PTGFRN: variants seen among roughly 807,000 people sequenced by gnomAD.
PTGFRN encodes prostaglandin F2 receptor negative regulator.
A neutral mutation model predicts 83.2 loss-of-function variants in PTGFRN; 35 were observed. The observed-to-expected ratio is 0.42, with a 90% CI of 0.32 to 0.56. The LOEUF (loss-of-function observed/expected upper bound fraction) is 0.56. Among genes scored for constraint, PTGFRN ranks in the 20% least tolerant of loss-of-function variants. The pLI, the probability that PTGFRN is intolerant of heterozygous loss-of-function variation, is 0.11. For missense variants in PTGFRN, 1,051 were observed against 1,179.5 expected, an observed-to-expected ratio of 0.89 and a Z score of 1.60; for synonymous variants, 519 against 498.6, an observed-to-expected ratio of 1.04 and a Z score of -0.55.
chr1:116,981,060 T>C (rs562781512), intron 7 of PTGFRN, among the ~76,000 whole-genome samples: 26 of 152,330 alleles, frequency 1.7e-4, no homozygotes, highest in Middle Eastern at 3.4e-3. Flanking sequence ...CATTTACATA[T>C]TAGCATTGCC....
chr1:116,931,154 G>A lies in PTGFRN; in HGVS notation c.50-10561G>A, dbSNP rs1025939261. On this transcript the variant is annotated intron_variant, in intron 1 of 8. Transcript: ENST00000393203. ...GATACGTTGCTCAGAGGTCATGCTCGGAGGAAATGCTCGTTGGAGCACTTT... is the reference window on the plus strand; with the variant it reads ...GATACGTTGCTCAGAGGTCATGCTCAGAGGAAATGCTCGTTGGAGCACTTT... Among the ~76,000 whole-genome samples, 9 of 152,188 alleles carry A rather than the reference G, an allele frequency of 5.9e-5. No individual in the cohort carries two copies. In the East Asian group the frequency reaches 7.7e-4, roughly 13 times the overall value.
chr1:116,913,323 G>A (rs1649318760), intron 1 of PTGFRN, among the ~76,000 whole-genome samples: 1 of 152,134 alleles, frequency 6.6e-6, no homozygotes, highest in Non-Finnish European at 1.5e-5. Context: ...TCTGGGCTCT[G>A]GGGAAAAGCC....
chr1:116,915,879 T>C (rs1439001084), intron 1 of PTGFRN, among the ~76,000 whole-genome samples: 1 of 152,202 alleles, frequency 6.6e-6, no homozygotes, highest in Non-Finnish European at 1.5e-5. Context: ...GGAAAATAAC[T>C]TGAACTGGCA....
intron 7 of PTGFRN, among the ~76,000 whole-genome samples, chr1:116,977,672 A>G (rs1651194705): frequency 6.6e-6 from 1 of 152,222 alleles, no homozygotes; most frequent in South Asian, 2.1e-4. Flanking sequence ...TTTGAAACCA[A>G]TGAGAACAAA....
At chr1:116,968,972 T>C (rs1650915857) in intron 6 of PTGFRN, among the ~76,000 whole-genome samples, 1 of 152,174 alleles carries the variant, frequency 6.6e-6, no homozygotes, top group South Asian at 2.1e-4. Flanking sequence ...GTTTAGACTA[T>C]CTCTACTTTT....
intron 7 of PTGFRN, among the ~76,000 whole-genome samples, chr1:116,983,954 A>G (rs966941265): frequency 3.3e-5 from 5 of 152,204 alleles, no homozygotes; most frequent in Non-Finnish European, 7.3e-5. Flanking sequence ...CACTTGTGCC[A>G]AAGTCTTCTT....
chr1:116,981,596 G>A (rs1015845305), intron 7 of PTGFRN, among the ~76,000 whole-genome samples: 6 of 152,200 alleles, frequency 3.9e-5, no homozygotes, highest in African/African-American at 1.4e-4. Context: ...CATCCAGGTG[G>A]ACATCTGTCT....
Position 116,910,195 on chromosome 1 carries a change from C to G in PTGFRN, c.-9C>G. 1 of 1,486,666 alleles carries G rather than the reference C, an allele frequency of 6.7e-7. No individual in the cohort carries two copies. Among genetic ancestry groups the G allele is most frequent in the Non-Finnish European group, 8.9e-7 (1 of 1,124,302 alleles). 92.1% of individuals were successfully genotyped at this position (1,486,666 alleles called of 1,614,324 possible). On this transcript the variant is annotated 5_prime_UTR_variant, in exon 1 of 9. Coordinates refer to ENST00000393203, the MANE Select transcript of PTGFRN (RefSeq NM_020440.4). ...GGAGGAGGGGGAGAGTCGCTCCCGC[C>G]GGGCGAGCATGGGGCGCCTGGCCTC...
Position 116,944,729 on chromosome 1 carries a change from C to G in PTGFRN, c.469C>G (p.Leu157Val). 6.8e-7 allele frequency: 1 copy of G among 1,473,144 alleles called. No individual in the cohort carries two copies. Among genetic ancestry groups the G allele is most frequent in the Non-Finnish European group, 8.9e-7 (1 of 1,120,284 alleles). 91.3% of individuals were successfully genotyped at this position (1,473,144 alleles called of 1,614,324 possible). ...CCCCAGCGCGCGGCCCCCGCCGAGC[C>G]TGAGCCTGCGGGAGGGGGAGCCCTT... ...VGPSARPPPS[L>V]SLREGEPFEL... The change falls in exon 3 of 9, where the codon CTG (leucine) becomes GTG (valine). Residue 157 changes from leucine (L) to valine (V), a missense_variant. Coordinates refer to ENST00000393203, the MANE Select transcript of PTGFRN (RefSeq NM_020440.4).
intron 4 of PTGFRN, among the ~76,000 whole-genome samples, chr1:116,950,316 T>G (rs1282173371): frequency 6.6e-6 from 1 of 152,258 alleles, no homozygotes; most frequent in East Asian, 1.9e-4. Context: ...ATTTTTGTTA[T>G]GTCTTGTAAT....
chr1:116,928,249 T>C (rs1330427100), intron 1 of PTGFRN, among the ~76,000 whole-genome samples: 1 of 152,246 alleles, frequency 6.6e-6, no homozygotes, highest in Non-Finnish European at 1.5e-5. Context: ...CTTTCACCTT[T>C]TTGATTGTCA....
At position 116,958,073 on chromosome 1, in the gene PTGFRN, A is replaced by G. The variant is rs1650547039; in HGVS notation, c.1214-3170A>G. Among the ~76,000 whole-genome samples, 1 of 152,168 alleles carries G rather than the reference A, an allele frequency of 6.6e-6. No homozygotes were observed. The highest frequency in any genetic ancestry group is 6.5e-5 in the Admixed American group (1 of 15,272). Reference sequence around the variant, plus strand: ...GCCCTTGTGAATAATGCTGCAATGAACATCTACCATCTTTCATCATAATTT... The same window carrying G: ...GCCCTTGTGAATAATGCTGCAATGAGCATCTACCATCTTTCATCATAATTT... On this transcript the variant is annotated intron_variant, in intron 4 of 8. Transcript: ENST00000393203. The surrounding 1 kb of genome is among the most constrained non-coding windows in gnomAD (Gnocchi z 4.9).
chr1:116,986,470 C>T (rs1476884498), intron 8 of PTGFRN, among the ~76,000 whole-genome samples: 1 of 152,194 alleles, frequency 6.6e-6, no homozygotes, highest in Non-Finnish European at 1.5e-5. Context: ...GCATCTGCTG[C>T]TGAACGTGCG....
chr1:116,927,000 G>A (rs1216656841), intron 1 of PTGFRN, among the ~76,000 whole-genome samples: 3 of 152,162 alleles, frequency 2.0e-5, no homozygotes, highest in Admixed American at 6.6e-5. Flanking sequence ...TTCTGAAGAA[G>A]GGTAATCACT....
In PTGFRN at chr1:116,987,048, G is replaced by C; in HGVS notation, c.*81G>C. On this transcript the variant is annotated 3_prime_UTR_variant, in exon 9 of 9. Transcript: ENST00000393203. Reference sequence around the variant, plus strand: ...GAGGACAGTGATATTTTAAAACAAAGTGTGTTACACTAAAAACCAGTCCTC... The same window carrying C: ...GAGGACAGTGATATTTTAAAACAAACTGTGTTACACTAAAAACCAGTCCTC... 1 of 1,540,168 alleles carries C rather than the reference G, an allele frequency of 6.5e-7. No individual in the cohort carries two copies. Among genetic ancestry groups the C allele is most frequent in the Non-Finnish European group, 8.9e-7 (1 of 1,128,618 alleles).
chr1:116,952,774 G>A lies in PTGFRN; in HGVS notation c.1213+3202G>A, dbSNP rs535961461. 2.1e-4 allele frequency among the ~76,000 whole-genome samples: 32 copies of A among 152,270 alleles called. No homozygotes were observed. Among genetic ancestry groups the A allele is most frequent in the African/African-American group, 7.2e-4 (30 of 41,544 alleles). ...GGCATTGGAAAAGATAATAGACAGGGCTTTCAACTGTTCTTTTACAAAAGG... is the reference window on the plus strand; with the variant it reads ...GGCATTGGAAAAGATAATAGACAGGACTTTCAACTGTTCTTTTACAAAAGG... On this transcript the variant is annotated intron_variant, in intron 4 of 8. Coordinates refer to ENST00000393203, the MANE Select transcript of PTGFRN (RefSeq NM_020440.4). The surrounding 1 kb of genome is among the most constrained non-coding windows in gnomAD (Gnocchi z 4.0).
chr1:116,982,928 GC>G (rs1053992733), intron 7 of PTGFRN, among the ~76,000 whole-genome samples: 8 of 152,142 alleles, frequency 5.3e-5, no homozygotes, highest in African/African-American at 2.4e-5. Flanking sequence ...CAGAGGCCCA[GC>G]CCACCAGCTG....
rs1220020770 is a variant in PTGFRN at position 116,952,930 on chromosome 1, T to G, written c.1213+3358T>G. Among the ~76,000 whole-genome samples, 2 of 152,228 alleles carry G rather than the reference T, an allele frequency of 1.3e-5. No homozygotes were observed. The highest frequency in any genetic ancestry group is 3.8e-4 in the East Asian group (2 of 5,200). On this transcript the variant is annotated intron_variant, in intron 4 of 8. Transcript: ENST00000393203. The surrounding 1 kb of genome is among the most constrained non-coding windows in gnomAD (Gnocchi z 4.0). ...ATGGGGGACAAATGATGCTTTGTGT[T>G]GATCCAATTTAGTATATGTCTAAAA...
chr1:116,984,574 G>A (rs6658159), intron 7 of PTGFRN, 106 bp from the exon 8 acceptor site: 74,336 of 1,040,476 alleles, frequency 0.071, 3,036 homozygotes, highest in Non-Finnish European at 0.081. Flanking sequence ...AAGGCATGTA[G>A]TGTTGTGCTT....
Sources: allele counts gnomAD v4.1 joint callset (sites outside exome capture counted in the v4.1 genomes callset), GRCh38; gene constraint gnomAD v4.1.1; non-coding constraint Gnocchi (gnomAD v3.1); transcripts MANE v1.5; gene names NCBI Gene and HGNC (gene_info 2026-07-23, HGNC 2026-07-21).